Variants in SNX13 observed in about 807,000 individuals in gnomAD.
SNX13 encodes the protein sorting nexin-13.
A neutral mutation model predicts 133.6 loss-of-function variants in SNX13; 45 were observed. That is an observed-to-expected ratio of 0.34 (90% CI 0.27 to 0.43). The LOEUF is 0.43. SNX13 is among the 20% of genes least tolerant of loss of function. The pLI is 1.00. For synonymous variants in SNX13, 414 were observed against 373.9 expected (o/e 1.11, Z -1.24); for missense variants, 1,032 against 1,145.1 (o/e 0.90, Z 1.43).
chr7:17,857,222 A>C (rs1366409419), intron 9 of SNX13, among the ~76,000 whole-genome samples: 2 of 152,206 alleles, frequency 1.3e-5, no homozygotes, highest in African/African-American at 2.4e-5. Flanking sequence ...AGTAACGAGT[A>C]ATAAGACTGA....
chr7:17,792,447 A>T lies in SNX13; in HGVS notation c.*1598T>A, dbSNP rs1783641525. On this transcript the variant is annotated 3_prime_UTR_variant, in exon 26 of 26. Coordinates refer to ENST00000428135, the MANE Select transcript of SNX13 (RefSeq NM_015132.5). ...AGTATGCACAACAGCATTATTAATA[A>T]ATATGATTATTATAAAGCTTTAAAG... 1 of 152,450 alleles carries T rather than the reference A, an allele frequency of 6.6e-6. No individual in the cohort carries two copies. The highest frequency in any genetic ancestry group is 2.1e-4 in the South Asian group (1 of 4,828). The allele number at this position is 152,450 out of a possible 1,614,324, so 9.4% of individuals were successfully genotyped here. A position where few individuals can be genotyped will look rare whatever the true frequency, so the allele number is the denominator to read the frequency against.
intron 1 of SNX13, chr7:17,899,953 G>C (rs945828138): frequency 2.6e-5 from 4 of 152,158 alleles, no homozygotes; most frequent in African/African-American, 9.7e-5. Context: ...TTCTTGGGAA[G>C]GCTTTCCAGG....
chr7:17,907,784 T>C (rs747653572), intron 1 of SNX13, among the ~76,000 whole-genome samples: 1 of 152,086 alleles, frequency 6.6e-6, no homozygotes, highest in Non-Finnish European at 1.5e-5. Flanking sequence ...CCAAGAAAAA[T>C]TAACACTAGT....
intron 19 of SNX13, 131 bp downstream of exon 19, chr7:17,816,051 G>T: frequency 1.1e-6 from 1 of 923,284 alleles, no homozygotes; most frequent in Non-Finnish European, 1.6e-6. Flanking sequence ...CATTTGACAT[G>T]CTGCACAAAA....
intron 9 of SNX13, among the ~76,000 whole-genome samples, chr7:17,863,734 T>C (rs1230300216): frequency 6.6e-6 from 1 of 152,182 alleles, no homozygotes; most frequent in Non-Finnish European, 1.5e-5. Flanking sequence ...TCTGCAAGGT[T>C]TGAGGTGCAA....
intron 16 of SNX13, 25 bp downstream of exon 16, chr7:17,829,985 A>G: frequency 1.4e-6 from 2 of 1,480,712 alleles, no homozygotes; most frequent in Non-Finnish European, 1.8e-6. Context: ...AGTCACTTTA[A>G]TAAAGTACCC....
intron 1 of SNX13, among the ~76,000 whole-genome samples, chr7:17,934,526 G>T (rs763478935): frequency 1.6e-4 from 24 of 152,230 alleles, no homozygotes; most frequent in Middle Eastern, 3.4e-3. Context: ...CATGTGGGCA[G>T]GCACCACCCA....
rs376585142 is a variant in SNX13 at position 17,910,241 on chromosome 7, T to C, written c.13-12795A>G. On this transcript the variant is annotated intron_variant, in intron 1 of 25. Transcript: ENST00000428135. Reference sequence around the variant, plus strand: ...CCCATAGGTTTTAGGAACATAAATATAATAAGGGAAAAGAAATTCACCTCA... The same window carrying C: ...CCCATAGGTTTTAGGAACATAAATACAATAAGGGAAAAGAAATTCACCTCA... 3.9e-5 allele frequency among the ~76,000 whole-genome samples: 6 copies of C among 152,120 alleles called. No individual in the cohort carries two copies. The East Asian group carries it at 9.6e-4, about 24-fold the overall frequency.
chr7:17,921,902 G>C (rs949076883), intron 1 of SNX13, among the ~76,000 whole-genome samples: 1 of 152,198 alleles, frequency 6.6e-6, no homozygotes, highest in Admixed American at 6.5e-5. Flanking sequence ...ATAACCTTCA[G>C]TTATTTTAAC....
At chr7:17,877,892 T>G (rs1477512851) in intron 5 of SNX13, among the ~76,000 whole-genome samples, 1 of 151,980 alleles carries the variant, frequency 6.6e-6, no homozygotes, top group African/African-American at 2.4e-5. Flanking sequence ...GCAAACTTAA[T>G]ATAAATCTCA....
chr7:17,880,311 C>T (rs991251957), intron 5 of SNX13: 2 of 152,202 alleles, frequency 1.3e-5, no homozygotes, highest in Non-Finnish European at 2.9e-5. Context: ...CTTCAACCAG[C>T]TGCGAGTAAT....
chr7:17,804,715 CA>C (rs1784994974), intron 20 of SNX13, among the ~76,000 whole-genome samples: 1 of 149,276 alleles, frequency 6.7e-6, no homozygotes, highest in Admixed American at 6.7e-5. Context: ...CAAAGTCATA[CA>C]AAACTACAGA....
chr7:17,880,479 G>A (rs185380802), intron 5 of SNX13: 7 of 152,288 alleles, frequency 4.6e-5, no homozygotes, highest in African/African-American at 1.7e-4. Context: ...CAACGTGTTT[G>A]ATTATCTGTC....
At chr7:17,836,293 G>A (rs1789124196) in intron 13 of SNX13, among the ~76,000 whole-genome samples, 1 of 151,946 alleles carries the variant, frequency 6.6e-6, no homozygotes, top group Non-Finnish European at 1.5e-5. Flanking sequence ...AAGGCAGGTG[G>A]ATCACTCGAG....
chr7:17,813,780 G>T (rs1786329771), intron 20 of SNX13, among the ~76,000 whole-genome samples: 1 of 151,820 alleles, frequency 6.6e-6, no homozygotes, highest in South Asian at 2.1e-4. Flanking sequence ...TAGAGACAGG[G>T]TCTCGCTGTT....
rs535968237 is a variant in SNX13 at position 17,890,487 on chromosome 7, A to G, written c.319-3T>C. 13 of 1,552,970 alleles carry G rather than the reference A, an allele frequency of 8.4e-6. No individual in the cohort carries two copies. Among genetic ancestry groups the G allele is most frequent in the East Asian group, 6.9e-5 (3 of 43,736 alleles). ...TCCCTCAAGGAAAACTGGATAACCT[A>G]TAACAAAAATATTGGAAAAAAAATT... On this transcript the variant is annotated splice_region_variant and splice_polypyrimidine_tract_variant and intron_variant, in intron 4 of 25. Transcript: ENST00000428135.
At chr7:17,897,862 C>T (rs1332532903) in intron 1 of SNX13, 3 of 152,174 alleles carry the variant, frequency 2.0e-5, no homozygotes, top group African/African-American at 4.8e-5. Flanking sequence ...AGTATTTCAT[C>T]TTGAAACTAG....
At chr7:17,904,833 A>G (rs1010272447) in intron 1 of SNX13, among the ~76,000 whole-genome samples, 1 of 152,196 alleles carries the variant, frequency 6.6e-6, no homozygotes, top group Admixed American at 6.5e-5. Context: ...TCTATGTACA[A>G]TAAGTTGAAC....
In SNX13 at chr7:17,792,968, T is replaced by A. The variant is rs1783697582; in HGVS notation, c.*1077A>T. On this transcript the variant is annotated 3_prime_UTR_variant, in exon 26 of 26. Transcript: ENST00000428135. ...TATGTGAAATATAAATAAAAGCATA[T>A]TTTTAAAAATATTATAGTTCTTTTT... The A allele has an allele frequency of 6.6e-6, 1 of 152,322 alleles. No individual in the cohort carries two copies. Among genetic ancestry groups the A allele is most frequent in the East Asian group, 1.9e-4 (1 of 5,192 alleles). 9.4% of individuals were successfully genotyped at this position (152,322 alleles called of 1,614,324 possible).
Sources: gnomAD v4.1 joint callset for allele counts (sites outside exome capture counted in the v4.1 genomes callset) on GRCh38, gnomAD v4.1.1 for gene constraint, MANE v1.5 for transcripts, NCBI Gene and HGNC (gene_info 2026-07-23, HGNC 2026-07-21) for gene names.